FRMD4B: variants seen among roughly 807,000 people sequenced by gnomAD.
The protein encoded by FRMD4B is FERM domain-containing protein 4B.
FRMD4B carries 74 observed loss-of-function variants against 141.5 expected under a neutral mutation model. The observed-to-expected ratio is 0.52, with a 90% confidence interval of 0.43 to 0.63. The LOEUF is 0.63. Ranked by LOEUF, FRMD4B falls within the 30% of genes least tolerant of loss-of-function variation. FRMD4B has a pLI of 0.00. For synonymous variants in FRMD4B, 506 were observed against 467.9 expected (o/e 1.08, Z -1.05); for missense variants, 1,366 against 1,253.4 (o/e 1.09, Z -1.36).
intron 1 of FRMD4B, among the ~76,000 whole-genome samples, chr3:69,514,866 T>C (rs1050654612): frequency 2.6e-5 from 4 of 152,160 alleles, no homozygotes; most frequent in East Asian, 1.9e-4. Context: ...AAATCCATCC[T>C]AAAATTCCTA....
chr3:69,402,291 G>T (rs533355678), intron 2 of FRMD4B, among the ~76,000 whole-genome samples: 1 of 152,284 alleles, frequency 6.6e-6, no homozygotes, highest in African/African-American at 2.4e-5. Flanking sequence ...GAGCCATCTT[G>T]TTGCCACAAT....
At chr3:69,244,128 C>G (rs959867385) in intron 7 of FRMD4B, among the ~76,000 whole-genome samples, 1 of 152,088 alleles carries the variant, frequency 6.6e-6, no homozygotes, top group African/African-American at 2.4e-5. Context: ...TACAGTCAGG[C>G]TGAGTGGGAA....
chr3:69,219,540 C>T (rs903034198), intron 9 of FRMD4B, among the ~76,000 whole-genome samples: 4 of 152,000 alleles, frequency 2.6e-5, no homozygotes, highest in Non-Finnish European at 2.9e-5. Context: ...CAAATGAAAC[C>T]GTCTCTTAGA....
At chr3:69,532,099 C>T (rs1277599230) in intron 1 of FRMD4B, among the ~76,000 whole-genome samples, 2 of 152,168 alleles carry the variant, frequency 1.3e-5, no homozygotes, top group Non-Finnish European at 2.9e-5. Context: ...TCTAAGGGCA[C>T]ATGGTTTTCA....
At chr3:69,275,398 A>G (rs1021813432) in intron 5 of FRMD4B, among the ~76,000 whole-genome samples, 6 of 151,572 alleles carry the variant, frequency 4.0e-5, no homozygotes, top group Non-Finnish European at 5.9e-5. Context: ...TTTGTAATGG[A>G]TGAAAAGTGA....
chr3:69,190,474 G>T (rs998202103), intron 17 of FRMD4B, among the ~76,000 whole-genome samples: 1 of 151,558 alleles, frequency 6.6e-6, no homozygotes, highest in African/African-American at 2.4e-5. Flanking sequence ...GAGTGCAATG[G>T]TGTGATCGTG....
chr3:69,249,591 G>A (rs904427199), intron 6 of FRMD4B, among the ~76,000 whole-genome samples: 3 of 152,116 alleles, frequency 2.0e-5, no homozygotes, highest in African/African-American at 7.2e-5. Flanking sequence ...CCACAATACA[G>A]GTAAACCAAC....
At chr3:69,225,713 AAAAAAAAAAAAAAAAGAG>A (rs1471799516) in intron 7 of FRMD4B, among the ~76,000 whole-genome samples, 14 of 77,354 alleles carry the variant, frequency 1.8e-4, no homozygotes, top group Non-Finnish European at 2.6e-4. Flanking sequence ...AAAAAAAAAA[AAAAAAAAAAAAAAAAGAG>A]GGAGAACACG....
At chr3:69,451,352 T>C (rs1188550313) in intron 1 of FRMD4B, among the ~76,000 whole-genome samples, 3 of 152,182 alleles carry the variant, frequency 2.0e-5, no homozygotes, top group Non-Finnish European at 4.4e-5. Flanking sequence ...GATCAGTGAC[T>C]GATGGATGAT....
chr3:69,198,664 CTG>C, intron 12 of FRMD4B, 32 bp downstream of exon 12: 1 of 1,028,316 alleles, frequency 9.7e-7, no homozygotes, highest in South Asian at 1.4e-5. Flanking sequence ...TGTATAGTAA[CTG>C]TGTCATACAG....
At chr3:69,319,097 A>T (rs1004241370) in intron 1 of FRMD4B, among the ~76,000 whole-genome samples, 2 of 152,188 alleles carry the variant, frequency 1.3e-5, no homozygotes, top group African/African-American at 4.8e-5. Context: ...ATAGAATTTC[A>T]ACCTCTACAC....
intron 1 of FRMD4B, among the ~76,000 whole-genome samples, chr3:69,479,974 T>G (rs1289395817): frequency 6.6e-6 from 1 of 152,228 alleles, no homozygotes; most frequent in Non-Finnish European, 1.5e-5. Context: ...CCATCACTGA[T>G]ACCCTTTCTT....
intron 2 of FRMD4B, among the ~76,000 whole-genome samples, chr3:69,391,368 A>C (rs1470971708): frequency 6.6e-6 from 1 of 151,014 alleles, no homozygotes; most frequent in African/African-American, 2.4e-5. Context: ...CCTTTACATT[A>C]GGTATATCTC....
intron 2 of FRMD4B, among the ~76,000 whole-genome samples, chr3:69,413,104 C>T (rs1327710614): frequency 6.6e-6 from 1 of 151,916 alleles, no homozygotes; most frequent in Non-Finnish European, 1.5e-5. Context: ...AGCACAGTGC[C>T]TAATGTATAG....
intron 1 of FRMD4B, among the ~76,000 whole-genome samples, chr3:69,498,154 A>G (rs1392556908): frequency 6.6e-6 from 1 of 152,224 alleles, no homozygotes; most frequent in Non-Finnish European, 1.5e-5. Flanking sequence ...CTCAATGAAA[A>G]GAGAACAATG....
At chr3:69,436,516 T>C (rs1705262876) in intron 1 of FRMD4B, among the ~76,000 whole-genome samples, 1 of 152,196 alleles carries the variant, frequency 6.6e-6, no homozygotes, top group Admixed American at 6.5e-5. Flanking sequence ...GTGCAGCCAC[T>C]ATGAAAAGCT....
intron 3 of FRMD4B, among the ~76,000 whole-genome samples, chr3:69,307,405 A>G (rs1456983119): frequency 6.6e-6 from 1 of 151,990 alleles, no homozygotes; most frequent in Non-Finnish European, 1.5e-5. Context: ...GAGTGGCACA[A>G]TCTCGGTTCA....
At chr3:69,252,435 G>A (rs990776108) in intron 5 of FRMD4B, among the ~76,000 whole-genome samples, 1 of 152,118 alleles carries the variant, frequency 6.6e-6, no homozygotes, top group African/African-American at 2.4e-5. Flanking sequence ...CTTGTTCCAG[G>A]AAGAGAAGAG....
chr3:69,274,933 T>G (rs1347230537), intron 5 of FRMD4B, among the ~76,000 whole-genome samples: 1 of 152,200 alleles, frequency 6.6e-6, no homozygotes, highest in African/African-American at 2.4e-5. Flanking sequence ...AGCCTCACTG[T>G]GCTAGTTTAT....
Sources: allele counts gnomAD v4.1 joint callset (sites outside exome capture counted in the v4.1 genomes callset), GRCh38; gene constraint gnomAD v4.1.1; transcripts MANE v1.5; gene names NCBI Gene and HGNC (gene_info 2026-07-23, HGNC 2026-07-21).